The following SPTBN4 variants were observed in gnomAD, a reference collection of about 807,000 sequenced individuals.
The protein encoded by SPTBN4 is spectrin beta, non-erythrocytic 4, also known as spectrin beta chain, non-erythrocytic 4.
SPTBN4 carries 96 observed loss-of-function variants against 277.8 expected under a neutral mutation model. That is an observed-to-expected ratio of 0.35 (90% CI 0.29 to 0.41). The LOEUF (loss-of-function observed/expected upper bound fraction) is 0.41, where lower values mean the gene tolerates loss of function less well. SPTBN4 is among the 10% of genes least tolerant of loss of function. SPTBN4 has a pLI of 1.00. For missense variants in SPTBN4, 3,006 were observed against 3,595.7 expected (o/e 0.84, Z 4.19); for synonymous variants, 1,481 against 1,580.3 (o/e 0.94, Z 1.49).
At chr19:40,572,576 G>A in intron 35 of SPTBN4, 196 bp downstream of exon 35, 3 of 622,642 alleles carry the variant, frequency 4.8e-6, no homozygotes, top group South Asian at 2.0e-5. Flanking sequence ...GGGCTTCAGG[G>A]AGGGCTGCCT....
chr19:40,508,829 G>T (rs1023996189), intron 13 of SPTBN4, among the ~76,000 whole-genome samples: 7 of 152,000 alleles, frequency 4.6e-5, no homozygotes, highest in Admixed American at 1.3e-4. Flanking sequence ...GGTGATTGGG[G>T]GTCTTAATCA....
intron 20 of SPTBN4, among the ~76,000 whole-genome samples, chr19:40,536,664 C>T (rs1344113947): frequency 2.6e-5 from 4 of 152,246 alleles, no homozygotes; most frequent in South Asian, 2.1e-4. Flanking sequence ...AAATGAAAAT[C>T]GAGGCCAGGC....
At chr19:40,533,972 T>G in intron 19 of SPTBN4, 108 bp from the exon 20 acceptor site, 1 of 1,378,518 alleles carries the variant, frequency 7.3e-7, no homozygotes, top group Non-Finnish European at 9.7e-7. Context: ...TGCCTCTGAT[T>G]CTCTTTTCAC....
At chr19:40,484,366 T>TA (rs1193579185) in intron 2 of SPTBN4, among the ~76,000 whole-genome samples, 1 of 152,214 alleles carries the variant, frequency 6.6e-6, no homozygotes, top group Non-Finnish European at 1.5e-5. Context: ...TATTATTTAG[T>TA]AATGGGATTT....
intron 13 of SPTBN4, among the ~76,000 whole-genome samples, chr19:40,512,122 C>T (rs1397621046): frequency 6.6e-6 from 1 of 152,164 alleles, no homozygotes; most frequent in Non-Finnish European, 1.5e-5. Context: ...GAATCTGTCT[C>T]AAACACACAA....
chr19:40,537,638 A>C (rs866782460), intron 20 of SPTBN4, among the ~76,000 whole-genome samples: 9 of 152,102 alleles, frequency 5.9e-5, no homozygotes, highest in Middle Eastern at 3.4e-3. Flanking sequence ...TATTATCCCC[A>C]CCCAGCAGAA....
intron 13 of SPTBN4, among the ~76,000 whole-genome samples, chr19:40,512,171 T>G (rs938052524): frequency 1.3e-5 from 2 of 152,236 alleles, no homozygotes; most frequent in Non-Finnish European, 2.9e-5. Flanking sequence ...GACTCAGTTC[T>G]GACATAAGCA....
At chr19:40,517,928 T>C (rs1380449488) in intron 15 of SPTBN4, among the ~76,000 whole-genome samples, 1 of 152,178 alleles carries the variant, frequency 6.6e-6, no homozygotes, top group Non-Finnish European at 1.5e-5. Context: ...TCTGTCCTCA[T>C]GGTGTGTCCA....
intron 18 of SPTBN4, among the ~76,000 whole-genome samples, chr19:40,532,297 T>G (rs1599773381): frequency 1.6e-5 from 2 of 123,080 alleles, no homozygotes; most frequent in Admixed American, 7.8e-5. Flanking sequence ...TTGGGGGGGG[T>G]GATCTGTCCC....
At chr19:40,567,414 T>C (rs996988179) in intron 30 of SPTBN4, among the ~76,000 whole-genome samples, 1 of 152,026 alleles carries the variant, frequency 6.6e-6, no homozygotes, top group African/African-American at 2.4e-5. Context: ...CGCAGAGCAA[T>C]TGATTTACCC....
rs767081184 is a variant in SPTBN4, at chr19:40,487,861, GA to G, written c.321+15del. ...TGGGGAGCAGCTGGTGAGGGGGCCT[GA>G]AGGGCTGGGGCAGGGGTCCTCCCTG... On this transcript the variant is annotated intron_variant, in intron 3 of 35. Coordinates refer to ENST00000598249, the MANE Select transcript of SPTBN4 (RefSeq NM_020971.3). The G allele has an allele frequency of 1.9e-6, 3 of 1,590,160 alleles. 1 individual carries two copies. The South Asian group carries it at 3.4e-5, about 18-fold the overall frequency.
Position 40,519,714 on chromosome 19 carries a change from C to G in SPTBN4, c.3217C>G (p.Leu1073Val), listed in dbSNP as rs1464178186. ...GGAGCTGGGCGCCGAGTGGGGCGCG[C>G]TAGCTAGCGCGGCTCAGGCCTGCGG... ...AEELGAEWGA[L>V]ASAAQACGEA... Residue 1073 changes from leucine (L) to valine (V), a missense_variant, in exon 16 of 36, where the codon CTA becomes GTA. By Grantham distance (32) the Leu-to-Val change is conservative (BLOSUM62 1). This residue lies in a region of SPTBN4 where 1,759 missense variants were observed against 2,061.5 expected (regional missense o/e 0.85). Coordinates refer to ENST00000598249, the MANE Select transcript of SPTBN4 (RefSeq NM_020971.3). This position sits in a 1 kb window ranked among gnomAD's most constrained non-coding sequence, Gnocchi z 5.7. 7.2e-7 allele frequency: 1 copy of G among 1,390,382 alleles called. No homozygotes were observed. Among genetic ancestry groups the G allele is most frequent in the East Asian group, 3.0e-5 (1 of 33,104 alleles). 86.1% of individuals were successfully genotyped at this position (1,390,382 alleles called of 1,614,324 possible).
intron 20 of SPTBN4, 112 bp from the exon 21 acceptor site, chr19:40,549,077 T>C (rs1473925304): frequency 1.7e-5 from 14 of 827,144 alleles, no homozygotes; most frequent in Non-Finnish European, 2.2e-5. Context: ...AAGGAGAGGG[T>C]GGAAGGGTGG....
chr19:40,492,212 G>A (rs892643428), intron 4 of SPTBN4, among the ~76,000 whole-genome samples: 4 of 152,008 alleles, frequency 2.6e-5, no homozygotes, highest in Non-Finnish European at 4.4e-5. Context: ...TACGGGAGGG[G>A]AGAGGGAGAG....
chr19:40,554,763 G>A lies in SPTBN4; in HGVS notation c.5084+117G>A, dbSNP rs1216116499. 2.7e-6 allele frequency: 4 copies of A among 1,481,214 alleles called. No homozygotes were observed. The African/African-American group carries it at 4.2e-5, about 15-fold the overall frequency. 91.8% of individuals were successfully genotyped at this position (1,481,214 alleles called of 1,614,324 possible). On this transcript the variant is annotated intron_variant, in intron 24 of 35. Coordinates refer to ENST00000598249, the MANE Select transcript of SPTBN4 (RefSeq NM_020971.3). This position sits in a 1 kb window ranked among gnomAD's most constrained non-coding sequence, Gnocchi z 5.7. ...GGGTGGGAGAGGTCCTCCTTGCTGT[G>A]TGCTGGAGCCCTCGAATTTGGCAAG...
intron 17 of SPTBN4, among the ~76,000 whole-genome samples, chr19:40,525,963 C>A (rs1312384777): frequency 6.6e-6 from 1 of 152,156 alleles, no homozygotes; most frequent in African/African-American, 2.4e-5. Context: ...ACACATTTCC[C>A]ACCCTGTGGG....
intron 2 of SPTBN4, among the ~76,000 whole-genome samples, chr19:40,484,805 A>G (rs916696900): frequency 6.6e-6 from 1 of 151,724 alleles, no homozygotes; most frequent in African/African-American, 2.4e-5. Context: ...GGTGGCAGGT[A>G]CCTGTAGTCC....
At chr19:40,530,061 C>T (rs1004809888) in intron 18 of SPTBN4, among the ~76,000 whole-genome samples, 1 of 152,098 alleles carries the variant, frequency 6.6e-6, no homozygotes, top group South Asian at 2.1e-4. Context: ...GGAGGAACCC[C>T]CTGTTCCCCC....
intron 7 of SPTBN4, among the ~76,000 whole-genome samples, chr19:40,501,583 A>G (rs2080263619): frequency 6.6e-6 from 1 of 152,000 alleles, no homozygotes; most frequent in Non-Finnish European, 1.5e-5. Flanking sequence ...CAGAAGAATC[A>G]CTTGAACCTG....
Sources: gnomAD v4.1 joint callset for allele counts (sites outside exome capture counted in the v4.1 genomes callset) on GRCh38, gnomAD v4.1.1 for gene constraint, gnomAD v4.1.1 regional missense constraint, Gnocchi (gnomAD v3.1) non-coding constraint, MANE v1.5 for transcripts, NCBI Gene and HGNC (gene_info 2026-07-23, HGNC 2026-07-21) for gene names.